FHIT: variants seen among roughly 807,000 people sequenced by gnomAD.
FHIT encodes fragile histidine triad diadenosine triphosphatase, also known as bis(5'-adenosyl)-triphosphatase.
FHIT carries 19 observed loss-of-function variants against 17.9 expected under a neutral mutation model. That is an observed-to-expected ratio of 1.06 (90% CI 0.74 to 1.56). The LOEUF is 1.56. FHIT is among the 40% of genes most tolerant of loss of function. FHIT has a pLI of 0.00. For synonymous variants in FHIT, 81 were observed against 69.7 expected (o/e 1.16, Z -0.81); for missense variants, 248 against 189.2 (o/e 1.31, Z -1.82).
intron 2 of FHIT, among the ~76,000 whole-genome samples, chr3:61,065,000 C>T (rs1208379311): frequency 6.6e-6 from 1 of 152,140 alleles, no homozygotes; most frequent in Non-Finnish European, 1.5e-5. Flanking sequence ...ATGATTTCTG[C>T]ATGCAAATCC....
chr3:60,745,881 C>T (rs997591477), intron 4 of FHIT, among the ~76,000 whole-genome samples: 2 of 152,136 alleles, frequency 1.3e-5, no homozygotes, highest in African/African-American at 4.8e-5. Flanking sequence ...CAGCAAGGTA[C>T]CACCACGTAC....
intron 2 of FHIT, among the ~76,000 whole-genome samples, chr3:61,187,394 A>G (rs1345050534): frequency 6.6e-6 from 1 of 152,158 alleles, no homozygotes; most frequent in Non-Finnish European, 1.5e-5. Context: ...TCCTAAATAT[A>G]TATGCACCCA....
intron 5 of FHIT, among the ~76,000 whole-genome samples, chr3:60,188,696 T>A (rs1450905026): frequency 2.6e-5 from 4 of 152,194 alleles, no homozygotes; most frequent in African/African-American, 9.6e-5. Flanking sequence ...CACACCATGA[T>A]GACAAACATT....
chr3:60,242,527 C>T lies in FHIT; in HGVS notation c.104-228375G>A, dbSNP rs73832554. On this transcript the variant is annotated intron_variant, in intron 5 of 9. Transcript: ENST00000492590. Reference sequence around the variant, plus strand: ...GAGATAAATTATATTGCCTTCTTCACTACTATCTGTAGCTTCAACACTTAG... The same window carrying T: ...GAGATAAATTATATTGCCTTCTTCATTACTATCTGTAGCTTCAACACTTAG... Among the ~76,000 whole-genome samples the T allele has an allele frequency of 8.6e-3, 1,309 of 152,230 alleles. 19 individuals are homozygous for T. The highest frequency in any genetic ancestry group is 0.029 in the African/African-American group (1,198 of 41,556).
intron 4 of FHIT, among the ~76,000 whole-genome samples, chr3:60,612,532 C>T (rs1272684297): frequency 6.6e-6 from 1 of 152,180 alleles, no homozygotes; most frequent in Admixed American, 6.5e-5. Flanking sequence ...TTATTGGATA[C>T]TTTTCAATTT....
rs573719711 is a variant in FHIT at position 61,222,066 on chromosome 3, G to C, written c.-212-21401C>G. ...GATGGCCCAGCAACGTCACTGCGGA[G>C]AGGGAGTCTGGTTGTGCCCTCCTCT... On this transcript the variant is annotated intron_variant, in intron 1 of 9. Coordinates refer to ENST00000492590, the MANE Select transcript of FHIT (RefSeq NM_002012.4). Among the ~76,000 whole-genome samples the C allele has an allele frequency of 3.3e-5, 5 of 152,350 alleles. No individual in the cohort carries two copies. The East Asian group carries it at 9.6e-4, about 29-fold the overall frequency.
chr3:60,724,077 A>G (rs868922813), intron 4 of FHIT, among the ~76,000 whole-genome samples: 1 of 152,194 alleles, frequency 6.6e-6, no homozygotes, highest in Non-Finnish European at 1.5e-5. Flanking sequence ...CACGACCACA[A>G]TCAATTTTAG....
At chr3:60,127,633 ACT>A (rs1333697712) in intron 5 of FHIT, among the ~76,000 whole-genome samples, 3 of 151,982 alleles carry the variant, frequency 2.0e-5, no homozygotes, top group African/African-American at 4.8e-5. Flanking sequence ...AAAGGGTCTC[ACT>A]CTGTCACCCT....
chr3:60,539,439 C>T (rs2036105284), intron 4 of FHIT, among the ~76,000 whole-genome samples: 1 of 152,194 alleles, frequency 6.6e-6, no homozygotes, highest in Non-Finnish European at 1.5e-5. Flanking sequence ...CATCCCATTA[C>T]TGGGTATATA....
intron 5 of FHIT, among the ~76,000 whole-genome samples, chr3:60,059,407 C>T (rs1314739878): frequency 1.3e-5 from 2 of 152,260 alleles, no homozygotes; most frequent in East Asian, 3.9e-4. Context: ...GGGTGGCCCA[C>T]CTTAAGAGAA....
At chr3:60,270,828 A>C (rs1706823313) in intron 5 of FHIT, among the ~76,000 whole-genome samples, 1 of 152,226 alleles carries the variant, frequency 6.6e-6, no homozygotes, top group South Asian at 2.1e-4. Flanking sequence ...GAACACCGGC[A>C]AGGATTTTAT....
chr3:61,210,795 T>G (rs930615339), intron 1 of FHIT, among the ~76,000 whole-genome samples: 3 of 151,776 alleles, frequency 2.0e-5, no homozygotes, highest in Non-Finnish European at 2.9e-5. Context: ...TCACACACAG[T>G]GCGCTGCACC....
At chr3:60,492,116 CACTT>C (rs1321229125) in intron 5 of FHIT, among the ~76,000 whole-genome samples, 2 of 152,174 alleles carry the variant, frequency 1.3e-5, no homozygotes, top group Non-Finnish European at 2.9e-5. Context: ...TATTTCCACT[CACTT>C]GTTCACATAA....
chr3:60,811,927 G>A (rs1439767223), intron 4 of FHIT, among the ~76,000 whole-genome samples: 3 of 152,230 alleles, frequency 2.0e-5, no homozygotes, highest in Non-Finnish European at 4.4e-5. Context: ...AGTCTGAAAT[G>A]TTGACTCTAA....
At chr3:60,054,820 A>G (rs1235622288) in intron 5 of FHIT, among the ~76,000 whole-genome samples, 2 of 152,180 alleles carry the variant, frequency 1.3e-5, no homozygotes, top group African/African-American at 4.8e-5. Context: ...TTTTGGGTAG[A>G]AATGTTTAAA....
chr3:60,235,224 T>A (rs1194709237), intron 5 of FHIT, among the ~76,000 whole-genome samples: 2 of 117,142 alleles, frequency 1.7e-5, no homozygotes, highest in Admixed American at 1.8e-4. Context: ...TATCTATGCT[T>A]TTGTTTGTTG....
chr3:60,168,915 A>G (rs1701299228), intron 5 of FHIT, among the ~76,000 whole-genome samples: 1 of 152,204 alleles, frequency 6.6e-6, no homozygotes. Context: ...ACCCCAGCAG[A>G]TATCAAACCT....
At chr3:60,318,438 T>G (rs2106792398) in intron 5 of FHIT, among the ~76,000 whole-genome samples, 1 of 152,188 alleles carries the variant, frequency 6.6e-6, no homozygotes, top group South Asian at 2.1e-4. Context: ...AAAATAAATG[T>G]TCCTTCACAG....
chr3:60,842,645 ATTTT>A (rs1170383044), intron 3 of FHIT, among the ~76,000 whole-genome samples: 1,463 of 94,520 alleles, frequency 0.015, 44 homozygotes, highest in African/African-American at 0.058. Context: ...ATATATATAT[ATTTT>A]TTTTTTTTTT....
Sources: allele counts gnomAD v4.1 joint callset (sites outside exome capture counted in the v4.1 genomes callset), GRCh38; gene constraint gnomAD v4.1.1; transcripts MANE v1.5; gene names NCBI Gene and HGNC (gene_info 2026-07-23, HGNC 2026-07-21).